DPYSL2: variants seen among roughly 807,000 people sequenced by gnomAD.
DPYSL2 encodes the protein dihydropyrimidinase-related protein 2.
In DPYSL2, 13 loss-of-function variants were observed where a neutral mutation model predicts 69.9. The observed-to-expected ratio is 0.19, with a 90% CI of 0.12 to 0.30. The LOEUF is 0.30. Among genes scored for constraint, DPYSL2 ranks in the 10% least tolerant of loss-of-function variants. DPYSL2 has a pLI of 1.00. For missense variants in DPYSL2, 587 were observed against 918.9 expected, an observed-to-expected ratio of 0.64 and a Z score of 4.67; for synonymous variants, 326 against 359.1, an observed-to-expected ratio of 0.91 and a Z score of 1.04.
chr8:26,606,747 A>G (rs1802114597), intron 3 of DPYSL2, among the ~76,000 whole-genome samples: 1 of 152,164 alleles, frequency 6.6e-6, no homozygotes, highest in South Asian at 2.1e-4. Flanking sequence ...AAAAAATGAA[A>G]CTATGTTGGA....
At chr8:26,515,196 G>A (rs929651538) in intron 1 of DPYSL2, among the ~76,000 whole-genome samples, 6 of 152,200 alleles carry the variant, frequency 3.9e-5, no homozygotes, top group Non-Finnish European at 7.3e-5. Context: ...CGAGCTCCGA[G>A]GCCAGGACCA....
At chr8:26,602,870 C>T (rs576884792) in intron 3 of DPYSL2, among the ~76,000 whole-genome samples, 1 of 152,232 alleles carries the variant, frequency 6.6e-6, no homozygotes, top group Non-Finnish European at 1.5e-5. Flanking sequence ...TCTTTAAAAT[C>T]TGCCTGGGAG....
chr8:26,653,361 G>T lies in DPYSL2; in HGVS notation c.1906G>T (p.Val636Phe). ...TCCTGCCAAGCAGCAGGCCCCACCT[G>T]TCCGGAACCTGCACCAGTCTGGATT... ...TSPAKQQAPPVRNLHQSGFSL... is the reference protein window; with the variant it reads ...TSPAKQQAPPFRNLHQSGFSL... The change falls in exon 13 of 14, where the codon GTC (valine) becomes TTC (phenylalanine). Residue 636 changes from valine to phenylalanine, a missense_variant. Val to Phe is a conservative substitution (Grantham distance 50). Around this residue, in one of 3 missense-constraint regions of DPYSL2, gnomAD observed 452 missense variants for 754.3 expected, o/e 0.60. Coordinates refer to ENST00000521913, the MANE Select transcript of DPYSL2 (RefSeq NM_001197293.3). This position sits in a 1 kb window ranked among gnomAD's most constrained non-coding sequence, Gnocchi z 5.7. The T allele has an allele frequency of 6.2e-7, 1 of 1,614,070 alleles. No homozygotes were observed. The highest frequency in any genetic ancestry group is 1.1e-5 in the South Asian group (1 of 91,062).
chr8:26,596,295 G>A (rs183310154), intron 3 of DPYSL2, among the ~76,000 whole-genome samples: 18 of 152,338 alleles, frequency 1.2e-4, no homozygotes, highest in Admixed American at 9.1e-4. Context: ...TAGGATGAAC[G>A]TTTAGGTTCT....
At chr8:26,637,507 C>T (rs1432357795) in intron 8 of DPYSL2, 1 of 152,202 alleles carries the variant, frequency 6.6e-6, no homozygotes, top group African/African-American at 2.4e-5. Flanking sequence ...GACTGACTTA[C>T]CTTCATGCTT....
At chr8:26,563,763 T>G (rs1348613991) in intron 1 of DPYSL2, among the ~76,000 whole-genome samples, 1 of 152,222 alleles carries the variant, frequency 6.6e-6, no homozygotes, top group African/African-American at 2.4e-5. Context: ...AGAAGGTAAC[T>G]TCCATGAGGG....
intron 1 of DPYSL2, among the ~76,000 whole-genome samples, chr8:26,524,455 T>C (rs141796269): frequency 6.6e-6 from 1 of 152,182 alleles, no homozygotes; most frequent in Admixed American, 6.5e-5. Context: ...AAAATAACCA[T>C]GGATAGTATT....
At chr8:26,645,933 T>G (rs1803153563) in intron 10 of DPYSL2, among the ~76,000 whole-genome samples, 1 of 152,066 alleles carries the variant, frequency 6.6e-6, no homozygotes, top group African/African-American at 2.4e-5. Context: ...TGGCGTGATC[T>G]TGGCTCACTG....
chr8:26,539,749 C>A (rs1800649088), intron 1 of DPYSL2, among the ~76,000 whole-genome samples: 1 of 152,160 alleles, frequency 6.6e-6, no homozygotes, highest in Admixed American at 6.5e-5. Flanking sequence ...GGAAACTACA[C>A]CACCATGCCC....
chr8:26,592,462 G>GTTT (rs56357770), intron 3 of DPYSL2, among the ~76,000 whole-genome samples: 8 of 138,974 alleles, frequency 5.8e-5, no homozygotes, highest in African/African-American at 1.3e-4. Context: ...TGGTACATTA[G>GTTT]TTTTTTTTTT....
At chr8:26,630,760 G>A (rs1214856356) in intron 7 of DPYSL2, among the ~76,000 whole-genome samples, 3 of 152,316 alleles carry the variant, frequency 2.0e-5, no homozygotes, top group East Asian at 1.9e-4. Context: ...ATGAAGTTAA[G>A]TGACTGCCCA....
chr8:26,602,934 G>A (rs967234528), intron 3 of DPYSL2, among the ~76,000 whole-genome samples: 1 of 152,210 alleles, frequency 6.6e-6, no homozygotes, highest in African/African-American at 2.4e-5. Context: ...CTTGAAAGCC[G>A]GCTCAAATTT....
chr8:26,638,278 A>G (rs996170243), intron 8 of DPYSL2, among the ~76,000 whole-genome samples: 3 of 152,222 alleles, frequency 2.0e-5, no homozygotes, highest in East Asian at 1.9e-4. Flanking sequence ...GGTTGAGCCC[A>G]GAAGGGAGTC....
chr8:26,584,513 C>T, intron 3 of DPYSL2, among the ~76,000 whole-genome samples: 1 of 151,960 alleles, frequency 6.6e-6, no homozygotes. Context: ...ATTGGGCAGC[C>T]CTGTCTGGAG....
chr8:26,582,074 A>T lies in DPYSL2; in HGVS notation c.443+17A>T, dbSNP rs1801504158. 1 of 1,592,632 alleles carries T rather than the reference A, an allele frequency of 6.3e-7. No homozygotes were observed. Among genetic ancestry groups the T allele is most frequent in the Non-Finnish European group, 8.6e-7 (1 of 1,161,422 alleles). ...GTTGATCAAGTAAGTGTAACTCATG[A>T]TATACAGATGTATTTGAACACTTTC... On this transcript the variant is annotated intron_variant, in intron 2 of 13. Transcript: ENST00000521913. This position sits in a 1 kb window ranked among gnomAD's most constrained non-coding sequence, Gnocchi z 4.1.
At position 26,657,016 on chromosome 8, in the gene DPYSL2, T is replaced by C. The variant is rs1300882208; in HGVS notation, c.*1310T>C. The stretch of plus-strand genomic sequence containing the variant: ...TGCTGCTTCCTGGTTAAGTATCTTT[T>C]GAGATTCTAGAACACATGGGAGCTT... On this transcript the variant is annotated 3_prime_UTR_variant, in exon 14 of 14. Coordinates refer to ENST00000521913, the MANE Select transcript of DPYSL2 (RefSeq NM_001197293.3). 1.3e-5 allele frequency: 2 copies of C among 152,218 alleles called. No individual in the cohort carries two copies. The highest frequency in any genetic ancestry group is 3.8e-4 in the East Asian group (2 of 5,202). 9.4% of individuals were successfully genotyped at this position (152,218 alleles called of 1,614,324 possible).
chr8:26,522,457 G>T (rs58817653), intron 1 of DPYSL2, among the ~76,000 whole-genome samples: 2,909 of 152,262 alleles, frequency 0.019, 82 homozygotes, highest in African/African-American at 0.064. Flanking sequence ...ACCATTTTGC[G>T]TTGCCACCAG....
At chr8:26,607,808 G>T (rs1469552882) in intron 3 of DPYSL2, among the ~76,000 whole-genome samples, 1 of 151,816 alleles carries the variant, frequency 6.6e-6, no homozygotes, top group Non-Finnish European at 1.5e-5. Flanking sequence ...GGCTGGGTGT[G>T]GTGGCTAATG....
chr8:26,524,835 A>AAGAGAGAG (rs1554531504), intron 1 of DPYSL2, among the ~76,000 whole-genome samples: 20 of 74,226 alleles, frequency 2.7e-4, no homozygotes, highest in African/African-American at 4.7e-4. Context: ...AAAAAAAAAA[A>AAGAGAGAG]AGAGAGAGAA....
Sources: allele counts gnomAD v4.1 joint callset (sites outside exome capture counted in the v4.1 genomes callset), GRCh38; gene constraint gnomAD v4.1.1; regional missense constraint gnomAD v4.1.1; non-coding constraint Gnocchi (gnomAD v3.1); transcripts MANE v1.5; gene names NCBI Gene and HGNC (gene_info 2026-07-23, HGNC 2026-07-21).